Variants in ITGA6 observed in about 807,000 individuals in gnomAD.
ITGA6 encodes integrin alpha-6.
ITGA6 carries 63 observed loss-of-function variants against 133.6 expected under a neutral mutation model. The ratio of observed to expected loss-of-function variants is 0.47; its 90% confidence interval spans 0.38 to 0.58. The LOEUF (loss-of-function observed/expected upper bound fraction) is 0.58. Among genes scored for constraint, ITGA6 ranks in the 20% least tolerant of loss-of-function variants. The probability of loss-of-function intolerance (pLI) is 0.00; values close to 1 mark genes in which losing one functional copy is unlikely to be tolerated. For missense variants in ITGA6, 1,068 were observed against 1,309.4 expected (o/e 0.82, Z 2.85); for synonymous variants, 434 against 482.0 (o/e 0.90, Z 1.30).
intron 9 of ITGA6, among the ~76,000 whole-genome samples, chr2:172,476,874 AT>A (rs1459830544): frequency 6.6e-6 from 1 of 152,164 alleles, no homozygotes; most frequent in Non-Finnish European, 1.5e-5. Context: ...CTTGATTTCT[AT>A]TTTATTTTCT....
At chr2:172,470,753 A>T (rs539564747) in intron 4 of ITGA6, among the ~76,000 whole-genome samples, 2 of 152,218 alleles carry the variant, frequency 1.3e-5, no homozygotes, top group Non-Finnish European at 2.9e-5. Context: ...GTTCATGAAA[A>T]TGCATGGGAC....
At chr2:172,442,799 A>G (rs1435371763) in intron 1 of ITGA6, among the ~76,000 whole-genome samples, 1 of 152,114 alleles carries the variant, frequency 6.6e-6, no homozygotes, top group African/African-American at 2.4e-5. Context: ...TTTGCCAGCA[A>G]CTGCCCACAT....
chr2:172,447,329 C>G (rs1381409085), intron 1 of ITGA6, among the ~76,000 whole-genome samples: 1 of 152,044 alleles, frequency 6.6e-6, no homozygotes, highest in Non-Finnish European at 1.5e-5. Context: ...CTCAGCCTCC[C>G]AAGTAGCTGG....
rs773801576 is a variant in ITGA6, at chr2:172,497,975, G to T, written c.2989G>T (p.Val997Phe). The T allele has an allele frequency of 1.5e-5, 24 of 1,613,892 alleles. No homozygotes were observed. The South Asian group carries it at 2.5e-4, about 17-fold the overall frequency. The change falls in exon 24 of 26, where the codon GTT becomes TTT. Residue 997 changes from valine (V) to phenylalanine (F), a missense_variant and splice_region_variant. Physicochemically the swap from Val to Phe is conservative, Grantham distance 50. Transcript: ENST00000684293. The stretch of plus-strand genomic sequence containing the variant: ...TGCTGCTTTCTTTTCTGCCCTGTAG[G>T]TTCGAGTGACTGTGTTTCCCTCAAA... ...NIRLPNAGTQVRVTVFPSKTV... is the reference protein window; with the variant it reads ...NIRLPNAGTQFRVTVFPSKTV...
At chr2:172,457,295 C>CAAAAAAAAAAAAAA (rs71403305) in intron 1 of ITGA6, among the ~76,000 whole-genome samples, 3 of 79,350 alleles carry the variant, frequency 3.8e-5, no homozygotes, top group African/African-American at 9.8e-5. Context: ...ATTCTGTCTC[C>CAAAAAAAAAAAAAA]AAAAAAAAAA....
chr2:172,465,937 A>G (rs13027636), intron 2 of ITGA6: 9,123 of 535,000 alleles, frequency 0.017, 91 homozygotes, highest in Non-Finnish European at 0.023. Context: ...GAGGTTCTGC[A>G]GGAGGTTGTG....
intron 1 of ITGA6, among the ~76,000 whole-genome samples, chr2:172,454,193 C>G (rs1278914428): frequency 6.6e-6 from 1 of 151,650 alleles, no homozygotes; most frequent in Non-Finnish European, 1.5e-5. Flanking sequence ...AAGTGATTCT[C>G]CTGCCTCAGC....
In ITGA6 at chr2:172,474,977, A is replaced by G; in HGVS notation, c.1035A>G (p.Gly345=). The G allele has an allele frequency of 6.3e-7, 1 of 1,587,600 alleles. No individual in the cohort carries two copies. Among genetic ancestry groups the G allele is most frequent in the Non-Finnish European group, 8.7e-7 (1 of 1,155,774 alleles). The change falls in exon 7 of 26, where the codon GGA becomes GGG. Residue 345 remains glycine (G), a synonymous_variant. Transcript: ENST00000684293. The part of the protein sequence containing the change: ...IGAPQYFDRD[G]EVGGAVYVYM... ...CCCCACAGTATTTTGATAGAGATGGAGAAGTTGGAGGTGCAGTGTATGTCT... is the reference window on the plus strand; with the variant it reads ...CCCCACAGTATTTTGATAGAGATGGGGAAGTTGGAGGTGCAGTGTATGTCT...
In ITGA6 at chr2:172,487,409, G is replaced by C; in HGVS notation, c.2116G>C (p.Asp706His). 6.2e-7 allele frequency: 1 copy of C among 1,614,180 alleles called. No individual in the cohort carries two copies. The highest frequency in any genetic ancestry group is 2.2e-5 in the East Asian group (1 of 44,880). The change falls in exon 15 of 26, where the codon GAC becomes CAC. Residue 706 changes from aspartate (D) to histidine (H), a missense_variant. This residue lies in a region of ITGA6 where 609 missense variants were observed against 707.2 expected (regional missense o/e 0.86). Transcript: ENST00000684293. ...GGCTAAACTGATTGCAACGTTTCCA[G>C]ACACTTTAACCTATTCTGCATATAG... ...HEAKLIATFP[D>H]TLTYSAYREL...
rs767851578 is a variant in ITGA6, at chr2:172,471,114, A to AG, written c.775+11dup. On this transcript the variant is annotated intron_variant, in intron 5 of 25. Transcript: ENST00000684293. ...TGCTAACAGTTACTTAGGTAGGAGC[A>AG]GGCACAGATGGCTGCCTTTGCCCAC... 1 of 1,614,238 alleles carries AG rather than the reference A, an allele frequency of 6.2e-7. No homozygotes were observed. The highest frequency in any genetic ancestry group is 1.1e-5 in the South Asian group (1 of 91,088).
At chr2:172,446,404 G>T (rs1233451400) in intron 1 of ITGA6, among the ~76,000 whole-genome samples, 2 of 151,930 alleles carry the variant, frequency 1.3e-5, no homozygotes, top group East Asian at 3.9e-4. Flanking sequence ...ATTTATGCTT[G>T]GTACACTTGA....
Position 172,427,744 on chromosome 2 carries a change from G to A in ITGA6, c.-45G>A, listed in dbSNP as rs555954686. 1.6e-5 allele frequency: 25 copies of A among 1,521,076 alleles called. No individual in the cohort carries two copies. The African/African-American group carries it at 2.4e-4, about 15-fold the overall frequency. The allele number at this position is 1,521,076 out of a possible 1,614,324, so 94.2% of individuals were successfully genotyped here. ...AGCCTCGGACCCAGCCCGGAGCGCA[G>A]GGCGGCCGCTGCAGGTCCCCGCTCC... On this transcript the variant is annotated 5_prime_UTR_variant, in exon 1 of 26. Coordinates refer to ENST00000684293, the MANE Select transcript of ITGA6 (RefSeq NM_000210.4).
At chr2:172,444,761 C>T (rs1423498175) in intron 1 of ITGA6, among the ~76,000 whole-genome samples, 1 of 133,584 alleles carries the variant, frequency 7.5e-6, no homozygotes, top group African/African-American at 2.9e-5. Context: ...CACGTATTTC[C>T]CCCCCACAAC....
In ITGA6 at chr2:172,446,989, C is replaced by T. The variant is rs138116049; in HGVS notation, c.183-18550C>T. On this transcript the variant is annotated intron_variant, in intron 1 of 25. Coordinates refer to ENST00000684293, the MANE Select transcript of ITGA6 (RefSeq NM_000210.4). ...CTTGGCTTAGTGCAACCTCCACCAC[C>T]CAGGTCCAAGCGATTCTTGTGCCTT... Among the ~76,000 whole-genome samples the T allele has an allele frequency of 4.7e-3, 721 of 152,204 alleles. 8 individuals carry two copies. Among genetic ancestry groups the T allele is most frequent in the African/African-American group, 0.016 (662 of 41,510 alleles).
chr2:172,503,111 A>C (rs780779520), intron 25 of ITGA6, among the ~76,000 whole-genome samples: 26 of 152,186 alleles, frequency 1.7e-4, no homozygotes, highest in Admixed American at 3.9e-4. Flanking sequence ...AACATCATTC[A>C]ACATAAATGT....
At chr2:172,479,904 G>T in intron 10 of ITGA6, 86 bp from the exon 11 acceptor site, 2 of 1,063,312 alleles carry the variant, frequency 1.9e-6, no homozygotes, top group South Asian at 1.3e-5. Context: ...ATGGGCATTG[G>T]GGGGATTGGA....
At position 172,436,712 on chromosome 2, in the gene ITGA6, T is replaced by C. The variant is rs544492580; in HGVS notation, c.182+8742T>C. ...AAACCGTGGCCAGCTTTTTGGGGTT[T>C]TCCTATAGAAATTGTTCATTCAACA... On this transcript the variant is annotated intron_variant, in intron 1 of 25. Coordinates refer to ENST00000684293, the MANE Select transcript of ITGA6 (RefSeq NM_000210.4). 1.1e-4 allele frequency among the ~76,000 whole-genome samples: 17 copies of C among 152,364 alleles called. 1 individual carries two copies. The highest frequency in any genetic ancestry group is 3.8e-4 in the African/African-American group (16 of 41,586).
rs1051303441 is a variant in ITGA6, at chr2:172,478,859, T to G, written c.1389-782T>G. ...GGGCAAGTGTTTGTACAATGGAGAC[T>G]CCCAAGTTCAGGATTGCCTGTATTA... On this transcript the variant is annotated intron_variant, in intron 9 of 25. Coordinates refer to ENST00000684293, the MANE Select transcript of ITGA6 (RefSeq NM_000210.4). 4.6e-5 allele frequency among the ~76,000 whole-genome samples: 7 copies of G among 152,274 alleles called. No individual in the cohort carries two copies. In the South Asian group the frequency reaches 6.2e-4, roughly 14 times the overall value.
intron 1 of ITGA6, among the ~76,000 whole-genome samples, chr2:172,457,241 G>A (rs1165476770): frequency 7.1e-6 from 1 of 141,248 alleles, no homozygotes; most frequent in Non-Finnish European, 1.5e-5. Context: ...GTTGAAGTGA[G>A]CCGAGATCAC....
Sources: allele counts gnomAD v4.1 joint callset (sites outside exome capture counted in the v4.1 genomes callset), GRCh38; gene constraint gnomAD v4.1.1; regional missense constraint gnomAD v4.1.1; transcripts MANE v1.5; gene names NCBI Gene and HGNC (gene_info 2026-07-23, HGNC 2026-07-21).